The following MYO16 variants were observed in gnomAD, a reference collection of about 807,000 sequenced individuals.
MYO16 encodes the protein unconventional myosin-XVI.
Under a neutral mutation model 205.3 loss-of-function variants are expected in MYO16, and 94 were observed. The observed-to-expected ratio is 0.46, with a 90% confidence interval of 0.39 to 0.54. The LOEUF (loss-of-function observed/expected upper bound fraction) is 0.54. Among genes scored for constraint, MYO16 ranks in the 20% least tolerant of loss-of-function variants. The probability of loss-of-function intolerance (pLI) is 0.00; values close to 1 mark genes in which losing one functional copy is unlikely to be tolerated. For synonymous variants in MYO16, 988 were observed against 954.0 expected (o/e 1.04, Z -0.66); for missense variants, 2,315 against 2,387.5 (o/e 0.97, Z 0.63).
At position 109,084,315 on chromosome 13, in the gene MYO16, C is replaced by G. The variant is rs73618356; in HGVS notation, c.3336-16470C>G. The stretch of plus-strand genomic sequence containing the variant: ...TTCCCTATACATGGAATTGATGGCA[C>G]CAACACAACTGCCGCCTCCTCCGTG... On this transcript the variant is annotated intron_variant, in intron 27 of 34. Coordinates refer to ENST00000457511, the MANE Select transcript of MYO16 (RefSeq NM_001198950.3). Among the ~76,000 whole-genome samples, 543 of 151,206 alleles carry G rather than the reference C, an allele frequency of 3.6e-3. 4 individuals are homozygous for G. The highest frequency in any genetic ancestry group is 0.012 in the African/African-American group (491 of 41,250).
At position 108,882,254 on chromosome 13, in the gene MYO16, A is replaced by G. The variant is rs144911585; in HGVS notation, c.1426-805A>G. Among the ~76,000 whole-genome samples the G allele has an allele frequency of 2.2e-3, 342 of 152,342 alleles. 3 individuals are homozygous for G. Among genetic ancestry groups the G allele is most frequent in the African/African-American group, 7.8e-3 (326 of 41,578 alleles). ...CTGATGCACTGGTGTCACTGAATCA[A>G]GAGACCTCGTTCAGGATTTCCCATT... On this transcript the variant is annotated intron_variant, in intron 12 of 34. Transcript: ENST00000457511.
intron 27 of MYO16, among the ~76,000 whole-genome samples, chr13:109,074,766 C>G (rs778007062): frequency 6.6e-6 from 1 of 152,074 alleles, no homozygotes; most frequent in Non-Finnish European, 1.5e-5. Context: ...GCTACACTTA[C>G]GCTATCAGAT....
chr13:109,196,315 A>G (rs1180200553), intron 34 of MYO16, among the ~76,000 whole-genome samples: 2 of 152,206 alleles, frequency 1.3e-5, no homozygotes, highest in Non-Finnish European at 2.9e-5. Flanking sequence ...GTTAGTAATC[A>G]CCAGTATCTT....
chr13:108,892,924 G>A (rs980997331), intron 14 of MYO16, among the ~76,000 whole-genome samples: 4 of 152,146 alleles, frequency 2.6e-5, no homozygotes, highest in Non-Finnish European at 5.9e-5. Context: ...AAATCAGTTA[G>A]CATCTGGGAG....
the MYO16 span, among the ~76,000 whole-genome samples, chr13:108,558,319 C>G: frequency 6.6e-6 from 1 of 152,164 alleles, no homozygotes; most frequent in Non-Finnish European, 1.5e-5. Flanking sequence ...GGAAATGTCT[C>G]CTTGTCCTTT....
chr13:108,590,073 A>T, the MYO16 span, among the ~76,000 whole-genome samples: 1 of 152,192 alleles, frequency 6.6e-6, no homozygotes, highest in African/African-American at 2.4e-5. Flanking sequence ...TAAAAAATCA[A>T]ATTTTTAATA....
At chr13:109,144,144 A>G (rs1165644363) in intron 32 of MYO16, among the ~76,000 whole-genome samples, 1 of 151,304 alleles carries the variant, frequency 6.6e-6, no homozygotes, top group Non-Finnish European at 1.5e-5. Flanking sequence ...CCTCTCGAGT[A>G]CCTGGAATTA....
chr13:108,651,671 A>C (rs1325951165), intron 1 of MYO16, among the ~76,000 whole-genome samples: 1 of 152,222 alleles, frequency 6.6e-6, no homozygotes, highest in African/African-American at 2.4e-5. Flanking sequence ...TAAAGAATTA[A>C]GAGATAGCTG....
intron 22 of MYO16, among the ~76,000 whole-genome samples, chr13:109,009,342 A>G (rs1464686302): frequency 6.6e-6 from 1 of 152,144 alleles, no homozygotes; most frequent in African/African-American, 2.4e-5. Flanking sequence ...TGCCTATTGT[A>G]AAAAAACAGA....
At chr13:108,739,767 G>GT (rs1187720824) in intron 4 of MYO16, among the ~76,000 whole-genome samples, 1 of 152,152 alleles carries the variant, frequency 6.6e-6, no homozygotes, top group Non-Finnish European at 1.5e-5. Flanking sequence ...TCACTTTCAG[G>GT]TACACCAGTC....
At chr13:109,108,990 C>T (rs1408082283) in intron 28 of MYO16, among the ~76,000 whole-genome samples, 1 of 152,114 alleles carries the variant, frequency 6.6e-6, no homozygotes, top group Admixed American at 6.6e-5. Flanking sequence ...ATTATTGCCC[C>T]ACTAAGGAGA....
At position 109,055,819 on chromosome 13, in the gene MYO16, A is replaced by C. The variant is rs1887400328; in HGVS notation, c.3335+224A>C. ...ACTGTACTGAGGACAGTATCTTGGA[A>C]ACCATTCTCATGTTCCTTTCAAAGT... On this transcript the variant is annotated intron_variant, in intron 27 of 34. Transcript: ENST00000457511. The surrounding 1 kb of genome is among the most constrained non-coding windows in gnomAD (Gnocchi z 5.0). 1 of 430,578 alleles carries C rather than the reference A, an allele frequency of 2.3e-6. No homozygotes were observed. The highest frequency in any genetic ancestry group is 3.6e-5 in the East Asian group (1 of 27,626). 26.7% of individuals were successfully genotyped at this position (430,578 alleles called of 1,614,324 possible).
At position 108,849,290 on chromosome 13, in the gene MYO16, A is replaced by G. The variant is rs542736965; in HGVS notation, c.1248+4797A>G. Among the ~76,000 whole-genome samples, 5 of 152,212 alleles carry G rather than the reference A, an allele frequency of 3.3e-5. No individual in the cohort carries two copies. The South Asian group carries it at 1.0e-3, about 32-fold the overall frequency. On this transcript the variant is annotated intron_variant, in intron 10 of 34. Coordinates refer to ENST00000457511, the MANE Select transcript of MYO16 (RefSeq NM_001198950.3). ...ACTGCAACCTCCGCCTCCCGGGTTC[A>G]AGCGATTCTCCTGCCTGAGCCTTCC...
intron 27 of MYO16, among the ~76,000 whole-genome samples, chr13:109,096,751 G>A (rs4773030): frequency 0.51 from 77,267 of 151,898 alleles, 19,701 homozygotes; most frequent in Middle Eastern, 0.55. Flanking sequence ...TACTCTGGGC[G>A]AGCTCACACA....
At chr13:108,587,998 G>A in the MYO16 span, among the ~76,000 whole-genome samples, 3 of 150,058 alleles carry the variant, frequency 2.0e-5, no homozygotes, top group Middle Eastern at 3.4e-3. Flanking sequence ...TTACTGCAGA[G>A]TATCTGGAAA....
At chr13:108,888,997 G>C (rs1197369851) in intron 14 of MYO16, among the ~76,000 whole-genome samples, 1 of 151,988 alleles carries the variant, frequency 6.6e-6, no homozygotes, top group Admixed American at 6.6e-5. Context: ...AGAGGTTGCG[G>C]TGAGCTGAGA....
At chr13:108,564,309 T>G in the MYO16 span, among the ~76,000 whole-genome samples, 2 of 151,986 alleles carry the variant, frequency 1.3e-5, no homozygotes. Context: ...TAGCTGGGAT[T>G]AAAGGCGTCC....
At chr13:108,824,422 C>G (rs1249532788) in intron 9 of MYO16, among the ~76,000 whole-genome samples, 1 of 152,056 alleles carries the variant, frequency 6.6e-6, no homozygotes, top group East Asian at 1.9e-4. Flanking sequence ...TACAACCCCT[C>G]TAAAACAGAT....
At chr13:108,894,089 A>G (rs7994473) in intron 14 of MYO16, among the ~76,000 whole-genome samples, 70,150 of 151,986 alleles carry the variant, frequency 0.46, 16,372 homozygotes, top group East Asian at 0.53. Context: ...AGCAAGGCAC[A>G]TCTTACATGA....
Sources: gnomAD v4.1 joint callset for allele counts (sites outside exome capture counted in the v4.1 genomes callset) on GRCh38, gnomAD v4.1.1 for gene constraint, Gnocchi (gnomAD v3.1) non-coding constraint, MANE v1.5 for transcripts, NCBI Gene and HGNC (gene_info 2026-07-23, HGNC 2026-07-21) for gene names.